Variants in ACOXL observed in about 807,000 individuals in gnomAD.
The protein encoded by ACOXL is acyl-CoA oxidase like.
In ACOXL, 70 loss-of-function variants were observed where a neutral mutation model predicts 71.9. The ratio of observed to expected loss-of-function variants is 0.97; its 90% CI spans 0.80 to 1.19. ACOXL has a LOEUF of 1.19. Ranked by LOEUF, ACOXL falls within the 50% of genes most tolerant of loss-of-function variation. The pLI is 0.00. For missense variants in ACOXL, 703 were observed against 736.3 expected, an observed-to-expected ratio of 0.95 and a Z score of 0.52; for synonymous variants, 253 against 281.6, an observed-to-expected ratio of 0.90 and a Z score of 1.02.
chr2:111,031,552 GC>G (rs2149749157), intron 14 of ACOXL, 74 bp from the exon 15 acceptor site: 1 of 1,365,848 alleles, frequency 7.3e-7, no homozygotes, highest in Non-Finnish European at 1.0e-6. Flanking sequence ...TTGGATGTTT[GC>G]CGTCTGTCTT....
intron 12 of ACOXL, among the ~76,000 whole-genome samples, chr2:110,952,638 G>T (rs1021634646): frequency 3.9e-5 from 6 of 152,118 alleles, no homozygotes; most frequent in African/African-American, 1.4e-4. Context: ...GTTGAAATGG[G>T]GGTCTCACTG....
At chr2:111,007,202 G>A (rs2063918241) in intron 14 of ACOXL, among the ~76,000 whole-genome samples, 1 of 152,122 alleles carries the variant, frequency 6.6e-6, no homozygotes, top group Admixed American at 6.5e-5. Context: ...TTTCTTCAAG[G>A]CAATACAGTC....
At position 111,109,671 on chromosome 2, in the gene ACOXL, ATT is replaced by A. The variant is rs869081161; in HGVS notation, c.1543-7921_1543-7920del. 8.2e-3 allele frequency among the ~76,000 whole-genome samples: 622 copies of A among 75,578 alleles called. 3 individuals are homozygous for A. The highest frequency in any genetic ancestry group is 0.025 in the African/African-American group (449 of 18,316). The allele number at this position is 75,578 out of a possible 152,430, so 49.6% of individuals were successfully genotyped here. A position where few individuals can be genotyped will look rare whatever the true frequency, so the allele number is the denominator to read the frequency against. On this transcript the variant is annotated intron_variant, in intron 17 of 17. Transcript: ENST00000439055. The stretch of plus-strand genomic sequence containing the variant: ...CTATTATATCCATTTTTCTCCTTCT[ATT>A]TTTTTTTTTTTTTTTTTTTTTTTGA...
At chr2:111,075,227 C>CTT (rs35457196) in intron 16 of ACOXL, among the ~76,000 whole-genome samples, 49 of 151,746 alleles carry the variant, frequency 3.2e-4, no homozygotes, top group African/African-American at 2.4e-4. Flanking sequence ...CTAGAGATTT[C>CTT]TTTTTTTTAC....
intron 17 of ACOXL, among the ~76,000 whole-genome samples, chr2:111,113,703 A>G (rs1254232897): frequency 1.3e-5 from 2 of 152,238 alleles, no homozygotes; most frequent in Admixed American, 6.5e-5. Context: ...AATGCCAGTT[A>G]TGTGTCACAG....
chr2:110,948,788 C>T (rs1249159467), intron 12 of ACOXL, among the ~76,000 whole-genome samples: 4 of 150,310 alleles, frequency 2.7e-5, no homozygotes, highest in Admixed American at 2.6e-4. Context: ...GGACTCGAAG[C>T]TCGTCTGGAA....
chr2:110,772,009 A>G (rs943913781), intron 2 of ACOXL, among the ~76,000 whole-genome samples: 2 of 152,206 alleles, frequency 1.3e-5, no homozygotes, highest in African/African-American at 2.4e-5. Context: ...GCAGACAGTG[A>G]CAGCTCAAGT....
chr2:110,983,623 A>G (rs13416835), intron 12 of ACOXL, among the ~76,000 whole-genome samples: 7,517 of 152,234 alleles, frequency 0.049, 635 homozygotes, highest in African/African-American at 0.17. Flanking sequence ...CACCACCCAC[A>G]ATCACCTATC....
At chr2:110,817,506 C>T (rs1688054635) in intron 9 of ACOXL, among the ~76,000 whole-genome samples, 1 of 152,244 alleles carries the variant, frequency 6.6e-6, no homozygotes, top group African/African-American at 2.4e-5. Flanking sequence ...CAAAGTGCAG[C>T]ATCTTCAGTT....
At chr2:110,904,275 C>T (rs1421287809) in intron 10 of ACOXL, among the ~76,000 whole-genome samples, 2 of 152,330 alleles carry the variant, frequency 1.3e-5, no homozygotes, top group Admixed American at 1.3e-4. Flanking sequence ...ATTTCATCTT[C>T]TATCCCTGTC....
At chr2:110,978,919 CAT>C (rs2062579205) in intron 12 of ACOXL, among the ~76,000 whole-genome samples, 1 of 152,092 alleles carries the variant, frequency 6.6e-6, no homozygotes, top group African/African-American at 2.4e-5. Flanking sequence ...CCACAAGTAA[CAT>C]GTATTCCAGC....
chr2:111,050,213 T>C (rs990367686), intron 16 of ACOXL, among the ~76,000 whole-genome samples: 3 of 152,026 alleles, frequency 2.0e-5, no homozygotes, highest in Admixed American at 2.0e-4. Context: ...AGGGTGTCAC[T>C]CTGAGGGATT....
At chr2:111,030,896 G>A (rs2065235438) in intron 14 of ACOXL, among the ~76,000 whole-genome samples, 1 of 152,150 alleles carries the variant, frequency 6.6e-6, no homozygotes, top group Admixed American at 6.5e-5. Context: ...GTAATTACTA[G>A]TTTTGTGATT....
chr2:110,981,605 C>T (rs2062711057), intron 12 of ACOXL, among the ~76,000 whole-genome samples: 1 of 152,168 alleles, frequency 6.6e-6, no homozygotes, highest in Non-Finnish European at 1.5e-5. Context: ...GTAGTTGCTG[C>T]TATTAGGTGT....
intron 10 of ACOXL, among the ~76,000 whole-genome samples, chr2:110,863,120 G>C (rs1477490043): frequency 6.6e-6 from 1 of 152,160 alleles, no homozygotes; most frequent in Non-Finnish European, 1.5e-5. Context: ...AATAACCCAA[G>C]ATGCAGAAAA....
intron 1 of ACOXL, among the ~76,000 whole-genome samples, chr2:110,751,350 C>T (rs1330066338): frequency 6.6e-6 from 1 of 151,240 alleles, no homozygotes; most frequent in Non-Finnish European, 1.5e-5. Flanking sequence ...AATGGGAAGA[C>T]CTTGACATTG....
At chr2:110,769,223 G>GA (rs565453011) in intron 2 of ACOXL, among the ~76,000 whole-genome samples, 1 of 135,470 alleles carries the variant, frequency 7.4e-6, no homozygotes, top group South Asian at 2.3e-4. Context: ...TTAGCCTCAT[G>GA]AAAAAAGAAA....
chr2:111,072,239 T>C (rs1223446999), intron 16 of ACOXL, among the ~76,000 whole-genome samples: 1 of 152,050 alleles, frequency 6.6e-6, no homozygotes, highest in Non-Finnish European at 1.5e-5. Flanking sequence ...CCATAATTGT[T>C]CTCTCTCTCT....
At chr2:110,774,261 G>A (rs1258848592) in intron 2 of ACOXL, among the ~76,000 whole-genome samples, 3 of 152,170 alleles carry the variant, frequency 2.0e-5, no homozygotes, top group Non-Finnish European at 4.4e-5. Flanking sequence ...TCTCGATGGA[G>A]CTTACATTTT....
Sources: allele counts gnomAD v4.1 joint callset (sites outside exome capture counted in the v4.1 genomes callset), GRCh38; gene constraint gnomAD v4.1.1; transcripts MANE v1.5; gene names NCBI Gene and HGNC (gene_info 2026-07-23, HGNC 2026-07-21).